MORC1: variants seen among roughly 807,000 people sequenced by gnomAD.
The protein encoded by MORC1 is MORC family CW-type zinc finger protein 1.
A neutral mutation model predicts 134.9 loss-of-function variants in MORC1; 59 were observed. The observed-to-expected ratio is 0.44, with a 90% CI of 0.35 to 0.54. The LOEUF is 0.54. MORC1 is among the 20% of genes least tolerant of loss of function. MORC1 has a pLI of 0.00. For missense variants in MORC1, 947 were observed against 1,134.5 expected (o/e 0.83, Z 2.37); for synonymous variants, 395 against 391.7 (o/e 1.01, Z -0.10).
intron 14 of MORC1, among the ~76,000 whole-genome samples, chr3:109,040,407 G>A (rs201305329): frequency 7.6e-5 from 2 of 26,278 alleles, no homozygotes; most frequent in African/African-American, 1.1e-4. Flanking sequence ...AGAAAGAGAA[G>A]GAAGGAAGGA....
At position 109,053,337 on chromosome 3, in the gene MORC1, C is replaced by A. The variant is rs142606250; in HGVS notation, c.1330+1391G>T. Among the ~76,000 whole-genome samples the A allele has an allele frequency of 5.1e-3, 780 of 152,220 alleles. 18 individuals carry two copies. The highest frequency in any genetic ancestry group is 0.018 in the African/African-American group (749 of 41,544). ...CATGCACCCACATGTATGTTCATTA[C>A]AGTGTTATTTCCAATAGCAAAGACA... On this transcript the variant is annotated intron_variant, in intron 14 of 27. Coordinates refer to ENST00000232603, the MANE Select transcript of MORC1 (RefSeq NM_014429.4).
chr3:108,997,723 T>C (rs1948273935), intron 21 of MORC1, among the ~76,000 whole-genome samples: 1 of 152,070 alleles, frequency 6.6e-6, no homozygotes, highest in South Asian at 2.1e-4. Flanking sequence ...TCAGCAATGG[T>C]AGGGTTAAAT....
chr3:109,102,124 G>T (rs1185113589), intron 4 of MORC1, among the ~76,000 whole-genome samples: 1 of 152,180 alleles, frequency 6.6e-6, no homozygotes, highest in Non-Finnish European at 1.5e-5. Flanking sequence ...AGGGTAATGC[G>T]ATAGAGAATT....
intron 21 of MORC1, among the ~76,000 whole-genome samples, chr3:108,995,455 G>A (rs903500014): frequency 6.6e-6 from 1 of 152,208 alleles, no homozygotes; most frequent in African/African-American, 2.4e-5. Flanking sequence ...TTTGAGCATG[G>A]AAGACAGAAA....
At chr3:109,074,096 A>C (rs2107717395) in intron 8 of MORC1, among the ~76,000 whole-genome samples, 1 of 152,306 alleles carries the variant, frequency 6.6e-6, no homozygotes, top group African/African-American at 2.4e-5. Context: ...ATTTAGAAAC[A>C]TGCTGGCAAC....
intron 8 of MORC1, among the ~76,000 whole-genome samples, chr3:109,082,380 G>T (rs1386468973): frequency 2.0e-5 from 3 of 151,964 alleles, no homozygotes; most frequent in African/African-American, 7.3e-5. Flanking sequence ...CAAAGACATA[G>T]ATGTACATCC....
intron 21 of MORC1, among the ~76,000 whole-genome samples, chr3:108,996,286 G>GCACACA (rs66629906): frequency 2.7e-4 from 39 of 146,470 alleles, no homozygotes; most frequent in African/African-American, 6.6e-4. Flanking sequence ...GCGCGCGCGC[G>GCACACA]CACACACACA....
chr3:109,005,447 GA>G (rs1162010212), intron 18 of MORC1, 132 bp from the exon 19 acceptor site: 5 of 821,996 alleles, frequency 6.1e-6, no homozygotes, highest in Non-Finnish European at 8.8e-6. Context: ...CAGAAGCTTA[GA>G]AACAACTTTA....
At chr3:109,062,090 G>A in intron 10 of MORC1, 32 bp from the exon 11 acceptor site, 1 of 1,599,172 alleles carries the variant, frequency 6.3e-7, no homozygotes, top group South Asian at 1.1e-5. Flanking sequence ...TTATAACACA[G>A]CAAAATTATT....
At chr3:108,978,840 A>C (rs542972542) in intron 24 of MORC1, among the ~76,000 whole-genome samples, 2 of 152,302 alleles carry the variant, frequency 1.3e-5, no homozygotes, top group South Asian at 2.1e-4. Flanking sequence ...ACCCAACAAA[A>C]GTCTGTGGAT....
In MORC1 at chr3:109,056,259, G is replaced by A. The variant is rs568042839; in HGVS notation, c.1175+1084C>T. ...TATTTATTTTTTGAGACAGAGTCTC[G>A]CTCTGTCACCCAGGCTGGAGTGCAG... On this transcript the variant is annotated intron_variant, in intron 13 of 27. Transcript: ENST00000232603. Among the ~76,000 whole-genome samples the A allele has an allele frequency of 4.5e-4, 68 of 152,090 alleles. No homozygotes were observed. The South Asian group carries it at 7.3e-3, about 16-fold the overall frequency.
chr3:108,960,024 A>C (rs1175574745), intron 27 of MORC1, among the ~76,000 whole-genome samples: 1 of 152,192 alleles, frequency 6.6e-6, no homozygotes, highest in Non-Finnish European at 1.5e-5. Flanking sequence ...TGAGGGGGCT[A>C]TAGGACTATG....
chr3:109,038,308 G>A (rs974769635), intron 14 of MORC1, among the ~76,000 whole-genome samples: 7 of 141,240 alleles, frequency 5.0e-5, no homozygotes, highest in African/African-American at 1.8e-4. Flanking sequence ...TTGTAAATTT[G>A]TTTAAATTCT....
At position 109,057,496 on chromosome 3, in the gene MORC1, C is replaced by A. The variant is rs1031252; in HGVS notation, c.1032-10G>T. The A allele has an allele frequency of 2.6e-6, 4 of 1,564,336 alleles. No individual in the cohort carries two copies. In the East Asian group the frequency reaches 9.1e-5, roughly 36 times the overall value. On this transcript the variant is annotated splice_polypyrimidine_tract_variant and intron_variant, in intron 12 of 27. Coordinates refer to ENST00000232603, the MANE Select transcript of MORC1 (RefSeq NM_014429.4). ...TGCTGTTTTTAATTCTCTAGAGTTA[C>A]ATTTAAAAAGTTTAAAAAGTTGTTT...
At chr3:109,084,259 TAA>T (rs1282137692) in intron 8 of MORC1, among the ~76,000 whole-genome samples, 2 of 152,170 alleles carry the variant, frequency 1.3e-5, no homozygotes, top group African/African-American at 4.8e-5. Context: ...TACAAAAAAC[TAA>T]AGACACCACC....
At chr3:109,066,660 T>C (rs905661062) in intron 9 of MORC1, among the ~76,000 whole-genome samples, 3 of 152,250 alleles carry the variant, frequency 2.0e-5, no homozygotes, top group East Asian at 1.9e-4. Context: ...GGTCATTCCA[T>C]CCACTTGCTC....
At chr3:109,015,240 C>T (rs1021644680) in intron 17 of MORC1, among the ~76,000 whole-genome samples, 1 of 152,002 alleles carries the variant, frequency 6.6e-6, no homozygotes, top group African/African-American at 2.4e-5. Flanking sequence ...CAATGACCTC[C>T]AGTAACAGGG....
At chr3:108,985,747 A>C (rs1402084272) in intron 22 of MORC1, among the ~76,000 whole-genome samples, 2 of 152,174 alleles carry the variant, frequency 1.3e-5, no homozygotes, top group African/African-American at 4.8e-5. Context: ...TTAAATATTA[A>C]TTTTAGGATA....
chr3:109,044,150 A>G (rs1246493154), intron 14 of MORC1, among the ~76,000 whole-genome samples: 1 of 152,226 alleles, frequency 6.6e-6, no homozygotes, highest in Non-Finnish European at 1.5e-5. Context: ...TAGAAGAAGT[A>G]TCTGTGAGAA....
Sources: gnomAD v4.1 joint callset for allele counts (sites outside exome capture counted in the v4.1 genomes callset) on GRCh38, gnomAD v4.1.1 for gene constraint, MANE v1.5 for transcripts, NCBI Gene and HGNC (gene_info 2026-07-23, HGNC 2026-07-21) for gene names.